SPTB: variants seen among roughly 807,000 people sequenced by gnomAD.
The protein encoded by SPTB is spectrin beta chain, erythrocytic.
SPTB carries 45 observed loss-of-function variants against 256.2 expected under a neutral mutation model. The observed-to-expected ratio is 0.18, with a 90% CI of 0.14 to 0.23. The LOEUF (loss-of-function observed/expected upper bound fraction) is 0.23, where lower values mean the gene tolerates loss of function less well. SPTB is among the 10% of genes least tolerant of loss of function. The pLI, the probability that SPTB is intolerant of heterozygous loss-of-function variation, is 1.00. For synonymous variants in SPTB, 1,231 were observed against 1,243.1 expected, an observed-to-expected ratio of 0.99 and a Z score of 0.21; for missense variants, 2,715 against 3,040.4, an observed-to-expected ratio of 0.89 and a Z score of 2.52.
At chr14:64,774,319 A>G in intron 24 of SPTB, 78 bp downstream of exon 24, 1 of 1,506,086 alleles carries the variant, frequency 6.6e-7, no homozygotes, top group Non-Finnish European at 8.9e-7. Context: ...TTCCTTTTAA[A>G]TCTGAAGGGA....
At position 64,772,849 on chromosome 14, in the gene SPTB, G is replaced by A. The variant is rs2082298744; in HGVS notation, c.5284C>T (p.His1762Tyr). ...AFIERLIDAG[H>Y]SEAATIAEWK... Reference sequence around the variant, plus strand: ...TCGGCGATGGTGGCCGCCTCGCTGTGGCCCGCGTCGATGAGTCGCTCGATG... The same window carrying A: ...TCGGCGATGGTGGCCGCCTCGCTGTAGCCCGCGTCGATGAGTCGCTCGATG... The change falls in exon 26 of 36, where the codon CAC (histidine) becomes TAC (tyrosine). Residue 1762 changes from histidine (H) to tyrosine (Y), a missense_variant. Physicochemically the swap from His to Tyr is moderately conservative, Grantham distance 83. Around this residue, in one of 4 missense-constraint regions of SPTB, gnomAD observed 2,239 missense variants for 2,384.4 expected, o/e 0.94. Coordinates refer to ENST00000644917, the MANE Select transcript of SPTB (RefSeq NM_001355436.2). The surrounding 1 kb of genome is among the most constrained non-coding windows in gnomAD (Gnocchi z 5.4). 6.2e-7 allele frequency: 1 copy of A among 1,613,176 alleles called. No homozygotes were observed. Among genetic ancestry groups the A allele is most frequent in the African/African-American group, 1.3e-5 (1 of 74,926 alleles).
chr14:64,821,158 C>A (rs749810353), intron 2 of SPTB, among the ~76,000 whole-genome samples: 6 of 152,240 alleles, frequency 3.9e-5, no homozygotes, highest in Non-Finnish European at 8.8e-5. Flanking sequence ...ATTTTCCTTG[C>A]ATCTCTTCCT....
intron 2 of SPTB, among the ~76,000 whole-genome samples, chr14:64,810,284 T>C (rs2083063873): frequency 6.6e-6 from 1 of 152,136 alleles, no homozygotes; most frequent in Admixed American, 6.5e-5. Context: ...TTGGCAAAAC[T>C]GGATGGCCAA....
chr14:64,854,428 G>A (rs1186106031), intron 1 of SPTB, among the ~76,000 whole-genome samples: 1 of 150,362 alleles, frequency 6.7e-6, no homozygotes, highest in Admixed American at 6.6e-5. Flanking sequence ...ACAGGCACCC[G>A]CCACCACGCC....
rs79206695 is a variant in SPTB, at chr14:64,804,882, C to A, written c.300+57G>T. ...GAACTTGAGATGCCCCCAAACCATGCCTTTGCTGAAGAGGGGCCGATGGCA... is the reference window on the plus strand; with the variant it reads ...GAACTTGAGATGCCCCCAAACCATGACTTTGCTGAAGAGGGGCCGATGGCA... On this transcript the variant is annotated intron_variant, in intron 3 of 35. Transcript: ENST00000644917. 8.5e-3 allele frequency: 13,713 copies of A among 1,610,094 alleles called. 310 individuals carry two copies. The highest frequency in any genetic ancestry group is 0.056 in the Admixed American group (3,377 of 60,008).
intron 32 of SPTB, chr14:64,754,837 AAGAG>A (rs779786989): frequency 1.3e-5 from 2 of 152,174 alleles, no homozygotes; most frequent in African/African-American, 4.8e-5. Flanking sequence ...GGGCAGAAGA[AAGAG>A]AGGGCAGGAC....
At chr14:64,850,441 G>A (rs1318051323) in intron 1 of SPTB, among the ~76,000 whole-genome samples, 1 of 152,194 alleles carries the variant, frequency 6.6e-6, no homozygotes, top group Non-Finnish European at 1.5e-5. Context: ...CACGTTTTCT[G>A]ATAGTTCCTC....
intron 1 of SPTB, among the ~76,000 whole-genome samples, chr14:64,828,173 C>T (rs1287060938): frequency 6.6e-6 from 1 of 152,152 alleles, no homozygotes; most frequent in Non-Finnish European, 1.5e-5. Flanking sequence ...TTTGGTGAGG[C>T]CTTTACCAGA....
rs896600590 is a variant in SPTB, at chr14:64,816,070, C to T, written c.148+6877G>A. Among the ~76,000 whole-genome samples, 4 of 152,182 alleles carry T rather than the reference C, an allele frequency of 2.6e-5. No homozygotes were observed. The highest frequency in any genetic ancestry group is 7.2e-5 in the African/African-American group (3 of 41,428). ...ACCTGTTCTCCCTACAGAGGGTGAT[C>T]CTTAGTAGTCAGAGCGAGCCCTAAA... On this transcript the variant is annotated intron_variant, in intron 2 of 35. Transcript: ENST00000644917. This position sits in a 1 kb window ranked among gnomAD's most constrained non-coding sequence, Gnocchi z 4.2.
At chr14:64,751,665 A>G (rs946041936) in intron 33 of SPTB, among the ~76,000 whole-genome samples, 4 of 152,222 alleles carry the variant, frequency 2.6e-5, no homozygotes, top group South Asian at 2.1e-4. Context: ...TACATCCATC[A>G]GTGTATTTGA....
chr14:64,797,759 G>A lies in SPTB; in HGVS notation c.1152C>T (p.His384=), dbSNP rs762308704. ...RANNQKVYTP[H]DGKLVSDINR... The stretch of plus-strand genomic sequence containing the variant: ...TGATGTCAGACACTAGTTTCCCATC[G>A]TGGGGTGTGTACACTTTCTGATTGT... The change falls in exon 10 of 36, where the codon CAC becomes CAT. Residue 384 remains histidine, a synonymous_variant. Coordinates refer to ENST00000644917, the MANE Select transcript of SPTB (RefSeq NM_001355436.2). The A allele has an allele frequency of 9.3e-6, 15 of 1,613,762 alleles. No homozygotes were observed. Among genetic ancestry groups the A allele is most frequent in the East Asian group, 2.2e-5 (1 of 44,894 alleles).
Position 64,824,682 on chromosome 14 carries a change from C to A in SPTB, c.-51-1537G>T, listed in dbSNP as rs1357022412. ...CCTCTGTGGGTGTGTGCACCCACGG[C>A]ACACACACAGGCTCATATCTGACAC... On this transcript the variant is annotated intron_variant, in intron 1 of 35. Transcript: ENST00000644917. The surrounding 1 kb of genome is among the most constrained non-coding windows in gnomAD (Gnocchi z 5.7). Among the ~76,000 whole-genome samples the A allele has an allele frequency of 6.6e-6, 1 of 152,046 alleles. No homozygotes were observed. Among genetic ancestry groups the A allele is most frequent in the Non-Finnish European group, 1.5e-5 (1 of 68,004 alleles).
intron 1 of SPTB, among the ~76,000 whole-genome samples, chr14:64,868,608 C>G (rs1208124792): frequency 6.6e-6 from 1 of 152,056 alleles, no homozygotes; most frequent in Non-Finnish European, 1.5e-5. Context: ...GAGGAAGGAA[C>G]AGCAGCAAAT....
chr14:64,769,534 T>C (rs2082245972), intron 28 of SPTB, 56 bp downstream of exon 28: 1 of 1,608,234 alleles, frequency 6.2e-7, no homozygotes, highest in Middle Eastern at 2.0e-4. Flanking sequence ...GCTGCCTGGC[T>C]GGCACAGTGG....
chr14:64,828,042 A>G (rs2083400146), intron 1 of SPTB, among the ~76,000 whole-genome samples: 1 of 152,226 alleles, frequency 6.6e-6, no homozygotes, highest in South Asian at 2.1e-4. Flanking sequence ...AAGTCTGGCT[A>G]TTAGTGCATC....
rs1242400431 is a variant in SPTB, at chr14:64,785,017, T to C, written c.3855+520A>G. On this transcript the variant is annotated intron_variant, in intron 18 of 35. Transcript: ENST00000644917. The surrounding 1 kb of genome is among the most constrained non-coding windows in gnomAD (Gnocchi z 4.4). ...CAACTGGCAGGTTTGTTTAAAATGT[T>C]CTTTCTCTGTCTCACCCCGTAAAGT... is the stretch of plus-strand genomic sequence containing the variant. 6.6e-6 allele frequency among the ~76,000 whole-genome samples: 1 copy of C among 152,216 alleles called. No individual in the cohort carries two copies. Among genetic ancestry groups the C allele is most frequent in the Admixed American group, 6.5e-5 (1 of 15,288 alleles).
chr14:64,837,473 C>T (rs2083542968), intron 1 of SPTB, among the ~76,000 whole-genome samples: 1 of 152,164 alleles, frequency 6.6e-6, no homozygotes. Flanking sequence ...TATACCATGC[C>T]TAGGGATTGG....
chr14:64,825,226 C>G lies in SPTB; in HGVS notation c.-51-2081G>C, dbSNP rs1469426829. Among the ~76,000 whole-genome samples the G allele has an allele frequency of 6.6e-6, 1 of 152,112 alleles. No individual in the cohort carries two copies. The highest frequency in any genetic ancestry group is 1.5e-5 in the Non-Finnish European group (1 of 68,014). On this transcript the variant is annotated intron_variant, in intron 1 of 35. Transcript: ENST00000644917. This position sits in a 1 kb window ranked among gnomAD's most constrained non-coding sequence, Gnocchi z 4.8. ...ATGGGGACAGAGGGCATTTCCCAGC[C>G]AGGGCTTAGCAAAAGTGTTTGCCAC...
chr14:64,768,995 A>G (rs1226369832), intron 29 of SPTB, 39 bp downstream of exon 29: 1 of 1,538,406 alleles, frequency 6.5e-7, no homozygotes, highest in African/African-American at 1.4e-5. Context: ...CTGCGGGGGT[A>G]CTCCTGCCCC....
Sources: allele counts gnomAD v4.1 joint callset (sites outside exome capture counted in the v4.1 genomes callset), GRCh38; gene constraint gnomAD v4.1.1; regional missense constraint gnomAD v4.1.1; non-coding constraint Gnocchi (gnomAD v3.1); transcripts MANE v1.5; gene names NCBI Gene and HGNC (gene_info 2026-07-23, HGNC 2026-07-21).